Variants in SDK1 observed in about 807,000 individuals in gnomAD.
SDK1 encodes the protein sidekick cell adhesion molecule 1, also known as protein sidekick-1.
SDK1 carries 157 observed loss-of-function variants against 245.5 expected under a neutral mutation model. That is an observed-to-expected ratio of 0.64 (90% confidence interval 0.56 to 0.73). The LOEUF (loss-of-function observed/expected upper bound fraction) is 0.73, where lower values mean the gene tolerates loss of function less well. Among genes scored for constraint, SDK1 ranks in the 30% least tolerant of loss-of-function variants. The probability of loss-of-function intolerance (pLI) is 0.00; values close to 1 mark genes in which losing one functional copy is unlikely to be tolerated. For missense variants in SDK1, 3,583 were observed against 3,002.3 expected (o/e 1.19, Z -4.52); for synonymous variants, 1,647 against 1,278.5 (o/e 1.29, Z -6.15).
At chr7:3,514,243 T>C (rs1444924185) in intron 1 of SDK1, among the ~76,000 whole-genome samples, 1 of 152,226 alleles carries the variant, frequency 6.6e-6, no homozygotes, top group Non-Finnish European at 1.5e-5. Context: ...AATGGACATT[T>C]CTGCATTTTA....
chr7:4,205,960 C>G lies in SDK1; in HGVS notation c.5180C>G (p.Pro1727Arg). The stretch of plus-strand genomic sequence containing the variant: ...GAGGTCACGTGGGACCCACCACCCC[C>G]GGAGAGCCAGAATGGGAACATCCAA... ...QLEVTWDPPP[P>R]ESQNGNIQGY... Residue 1727 changes from proline to arginine, a missense_variant, in exon 36 of 45, where the codon CCG (proline) becomes CGG (arginine). Physicochemically the swap from Pro to Arg is moderately radical, Grantham distance 103 (BLOSUM62 -2). Coordinates refer to ENST00000404826, the MANE Select transcript of SDK1 (RefSeq NM_152744.4). The G allele has an allele frequency of 3.2e-6, 5 of 1,560,528 alleles. No individual in the cohort carries two copies. The highest frequency in any genetic ancestry group is 4.3e-6 in the Non-Finnish European group (5 of 1,151,898).
chr7:4,138,614 G>A (rs1779250540), intron 28 of SDK1, among the ~76,000 whole-genome samples: 1 of 151,980 alleles, frequency 6.6e-6, no homozygotes, highest in Non-Finnish European at 1.5e-5. Flanking sequence ...GGGCATGTTG[G>A]CACACACCTG....
intron 1 of SDK1, among the ~76,000 whole-genome samples, chr7:3,420,937 G>A (rs1252766994): frequency 6.6e-6 from 1 of 152,080 alleles, no homozygotes; most frequent in African/African-American, 2.4e-5. Context: ...CCCAGTGTGT[G>A]TTGTTCCCCT....
At chr7:4,021,269 A>G (rs1057371740) in intron 17 of SDK1, among the ~76,000 whole-genome samples, 4 of 152,146 alleles carry the variant, frequency 2.6e-5, no homozygotes, top group African/African-American at 9.7e-5. Context: ...GTCACCCCTC[A>G]TCTATCCACA....
intron 4 of SDK1, among the ~76,000 whole-genome samples, chr7:3,804,673 T>C (rs1485072344): frequency 1.3e-5 from 2 of 152,252 alleles, no homozygotes; most frequent in Non-Finnish European, 1.5e-5. Flanking sequence ...TTTACTTTGT[T>C]GTGTTTTCCA....
At chr7:3,576,395 G>A (rs1332318366) in intron 1 of SDK1, among the ~76,000 whole-genome samples, 3 of 152,016 alleles carry the variant, frequency 2.0e-5, no homozygotes, top group Non-Finnish European at 4.4e-5. Context: ...TGTGTTACCT[G>A]GTTAGAGAAA....
At chr7:4,082,775 C>T (rs1340670361) in intron 22 of SDK1, among the ~76,000 whole-genome samples, 5 of 151,964 alleles carry the variant, frequency 3.3e-5, no homozygotes, top group African/African-American at 9.7e-5. Context: ...CGTGTGCCAC[C>T]ACACCAGCTA....
At chr7:3,715,063 C>T (rs1472000240) in intron 4 of SDK1, among the ~76,000 whole-genome samples, 3 of 152,100 alleles carry the variant, frequency 2.0e-5, no homozygotes, top group Non-Finnish European at 4.4e-5. Context: ...TCAGCTTCTC[C>T]AATGATGGCT....
At chr7:3,515,810 A>G (rs1322828778) in intron 1 of SDK1, among the ~76,000 whole-genome samples, 1 of 152,230 alleles carries the variant, frequency 6.6e-6, no homozygotes, top group Non-Finnish European at 1.5e-5. Context: ...TCTCAAAGAC[A>G]TAAATCACCT....
At chr7:3,449,122 T>G (rs1429879046) in intron 1 of SDK1, among the ~76,000 whole-genome samples, 1 of 152,226 alleles carries the variant, frequency 6.6e-6, no homozygotes, top group African/African-American at 2.4e-5. Context: ...TAGGATTCAT[T>G]GAGTCCTTTC....
At chr7:3,669,456 A>G (rs1212082119) in intron 4 of SDK1, among the ~76,000 whole-genome samples, 2 of 151,916 alleles carry the variant, frequency 1.3e-5, no homozygotes, top group Admixed American at 1.3e-4. Flanking sequence ...ACTCTCCTTG[A>G]ACTTCGCTGG....
intron 18 of SDK1, among the ~76,000 whole-genome samples, chr7:4,051,107 TATATGTATAATATATACATATTATATATA>T (rs1287275293): frequency 7.2e-6 from 1 of 138,116 alleles, no homozygotes; most frequent in African/African-American, 2.8e-5. Context: ...GTATATAATA[TATATGTATAATATATACATATTATATATA>T]ATATATGTAT....
intron 1 of SDK1, among the ~76,000 whole-genome samples, chr7:3,485,460 C>T (rs757257198): frequency 6.6e-6 from 1 of 152,230 alleles, no homozygotes; most frequent in East Asian, 1.9e-4. Flanking sequence ...TTCCCTACCC[C>T]AAGCATAGGT....
intron 5 of SDK1, among the ~76,000 whole-genome samples, chr7:3,943,822 T>C (rs1189768857): frequency 6.6e-6 from 1 of 152,176 alleles, no homozygotes; most frequent in Non-Finnish European, 1.5e-5. Flanking sequence ...AAGAGGTTCA[T>C]GTGGGGGAAA....
intron 1 of SDK1, among the ~76,000 whole-genome samples, chr7:3,509,859 C>T (rs549782455): frequency 6.6e-6 from 1 of 152,294 alleles, no homozygotes; most frequent in South Asian, 2.1e-4. Context: ...AATGTTAAGT[C>T]AGTGGTTCTC....
chr7:3,531,349 T>C (rs1014667733), intron 1 of SDK1, among the ~76,000 whole-genome samples: 3 of 152,230 alleles, frequency 2.0e-5, no homozygotes, highest in Admixed American at 2.0e-4. Flanking sequence ...ACTTAGGTTA[T>C]TTAGTAGTAA....
At chr7:3,346,645 C>T (rs1284816223) in intron 1 of SDK1, among the ~76,000 whole-genome samples, 4 of 141,960 alleles carry the variant, frequency 2.8e-5, no homozygotes, top group East Asian at 2.0e-4. Flanking sequence ...TCTGCACCCC[C>T]ACACCTGGCT....
At position 3,731,238 on chromosome 7, in the gene SDK1, A is replaced by G. The variant is rs78836828; in HGVS notation, c.713+89133A>G. ...TCCTTCCACTTCTTTACATCCTTCC[A>G]TAAGGTTCACATGGGCATGTTTTCC... On this transcript the variant is annotated intron_variant, in intron 4 of 44. Transcript: ENST00000404826. Among the ~76,000 whole-genome samples the G allele has an allele frequency of 3.5e-3, 537 of 152,238 alleles. 4 individuals carry two copies. The highest frequency in any genetic ancestry group is 0.017 in the South Asian group (83 of 4,828).
At chr7:3,859,708 T>G (rs1211578385) in intron 5 of SDK1, among the ~76,000 whole-genome samples, 1 of 152,196 alleles carries the variant, frequency 6.6e-6, no homozygotes, top group African/African-American at 2.4e-5. Context: ...AGATGCTCAT[T>G]GGCTGAAAGT....
Sources: gnomAD v4.1 joint callset for allele counts (sites outside exome capture counted in the v4.1 genomes callset) on GRCh38, gnomAD v4.1.1 for gene constraint, MANE v1.5 for transcripts, NCBI Gene and HGNC (gene_info 2026-07-23, HGNC 2026-07-21) for gene names.